CAAP1: variants seen among roughly 807,000 people sequenced by gnomAD.
The protein encoded by CAAP1 is conserved anti-apoptotic protein.
A neutral mutation model predicts 34.0 loss-of-function variants in CAAP1; 20 were observed. The ratio of observed to expected loss-of-function variants is 0.59; its 90% CI spans 0.41 to 0.86. The LOEUF is 0.86. Ranked by LOEUF, CAAP1 falls within the 40% of genes least tolerant of loss-of-function variation. The pLI is 0.00. For missense variants in CAAP1, 538 were observed against 450.5 expected (o/e 1.19, Z -1.76); for synonymous variants, 213 against 166.7 (o/e 1.28, Z -2.14).
In CAAP1 at chr9:26,847,074, A is replaced by G. The variant is rs1314650631; in HGVS notation, c.740-4427T>C. 2.0e-5 allele frequency among the ~76,000 whole-genome samples: 3 copies of G among 149,016 alleles called. No individual in the cohort carries two copies. In the East Asian group the frequency reaches 5.9e-4, roughly 29 times the overall value. On this transcript the variant is annotated intron_variant, in intron 5 of 5. Transcript: ENST00000333916. ...TATTTTTAACAAAAACATAATTATC[A>G]CTCTTTGGCTTACTTTTTTGACTTA...
intron 4 of CAAP1, among the ~76,000 whole-genome samples, chr9:26,878,126 C>G (rs1374185394): frequency 6.6e-6 from 1 of 152,116 alleles, no homozygotes; most frequent in African/African-American, 2.4e-5. Context: ...GATTAACTTA[C>G]AGAATTTAGT....
At chr9:26,868,398 G>C (rs1244175552) in intron 4 of CAAP1, among the ~76,000 whole-genome samples, 1 of 152,102 alleles carries the variant, frequency 6.6e-6, no homozygotes, top group Admixed American at 6.5e-5. Flanking sequence ...ATGAAGGAAA[G>C]GGCCACAAGA....
intron 4 of CAAP1, chr9:26,880,459 G>A (rs117858304): frequency 0.037 from 7,685 of 206,498 alleles, 248 homozygotes; most frequent in South Asian, 0.085. Flanking sequence ...CCAGGAGAGG[G>A]TGCACTCTTG....
At chr9:26,873,904 T>C (rs962811200) in intron 4 of CAAP1, among the ~76,000 whole-genome samples, 2 of 152,108 alleles carry the variant, frequency 1.3e-5, no homozygotes, top group Non-Finnish European at 2.9e-5. Flanking sequence ...TTTCACTCTT[T>C]AAAAAATTTT....
At chr9:26,882,872 T>C (rs944100689) in intron 4 of CAAP1, among the ~76,000 whole-genome samples, 1 of 152,110 alleles carries the variant, frequency 6.6e-6, no homozygotes, top group Non-Finnish European at 1.5e-5. Context: ...TCAAAAGAGA[T>C]CATTTTGGAG....
intron 1 of CAAP1, among the ~76,000 whole-genome samples, chr9:26,889,279 G>A (rs1178979500): frequency 1.3e-5 from 2 of 152,150 alleles, no homozygotes; most frequent in Non-Finnish European, 2.9e-5. Context: ...TTAGCTGGGT[G>A]TGGAGGCGGG....
intron 4 of CAAP1, among the ~76,000 whole-genome samples, chr9:26,881,759 T>C (rs141938677): frequency 7.2e-4 from 109 of 152,326 alleles, no homozygotes; most frequent in African/African-American, 2.4e-3. Flanking sequence ...TGGAACTGGA[T>C]AACAGGCAGA....
At chr9:26,862,774 T>C (rs1252172746) in intron 4 of CAAP1, among the ~76,000 whole-genome samples, 1 of 152,190 alleles carries the variant, frequency 6.6e-6, no homozygotes, top group Non-Finnish European at 1.5e-5. Flanking sequence ...GATGGGGAAC[T>C]GGATAAAAGT....
chr9:26,863,336 G>A (rs1466948189), intron 4 of CAAP1, among the ~76,000 whole-genome samples: 2 of 151,780 alleles, frequency 1.3e-5, no homozygotes, highest in Non-Finnish European at 2.9e-5. Flanking sequence ...GAAGTAAATG[G>A]GGAAAAAAAA....
In CAAP1 at chr9:26,889,855, G is replaced by A. The variant is rs867346760; in HGVS notation, c.304-2342C>T. Among the ~76,000 whole-genome samples, 18 of 127,450 alleles carry A rather than the reference G, an allele frequency of 1.4e-4. 1 individual carries two copies. The highest frequency in any genetic ancestry group is 1.1e-3 in the South Asian group (4 of 3,782). 83.6% of individuals were successfully genotyped at this position (127,450 alleles called of 152,430 possible). Reference sequence around the variant, plus strand: ...TGCACTCCAGCCTGGGCGACAGAGCGAGACTCTGTCTCAAAAAAAAAAAAA... The same window carrying A: ...TGCACTCCAGCCTGGGCGACAGAGCAAGACTCTGTCTCAAAAAAAAAAAAA... On this transcript the variant is annotated intron_variant, in intron 1 of 5. Coordinates refer to ENST00000333916, the MANE Select transcript of CAAP1 (RefSeq NM_024828.4).
chr9:26,891,548 AG>A (rs1823903699), intron 1 of CAAP1, among the ~76,000 whole-genome samples: 1 of 150,586 alleles, frequency 6.6e-6, no homozygotes, highest in Non-Finnish European at 1.5e-5. Flanking sequence ...ATATACATAA[AG>A]GTGTTTGTAT....
intron 5 of CAAP1, among the ~76,000 whole-genome samples, chr9:26,858,434 C>G (rs1822922632): frequency 6.6e-6 from 1 of 152,264 alleles, no homozygotes; most frequent in African/African-American, 2.4e-5. Flanking sequence ...AATAAATATT[C>G]TAAGTAACTT....
intron 5 of CAAP1, among the ~76,000 whole-genome samples, chr9:26,845,375 C>G (rs943491265): frequency 6.6e-6 from 1 of 152,160 alleles, no homozygotes; most frequent in Non-Finnish European, 1.5e-5. Context: ...ATTTCCTTAA[C>G]ATGATCTCCC....
Position 26,888,099 on chromosome 9 carries a change from A to G in CAAP1, c.304-586T>C, listed in dbSNP as rs150269184. 3.1e-3 allele frequency among the ~76,000 whole-genome samples: 474 copies of G among 152,142 alleles called. 2 individuals are homozygous for G. The highest frequency in any genetic ancestry group is 5.0e-3 in the Non-Finnish European group (339 of 67,990). Reference sequence around the variant, plus strand: ...CATAATTCTGTTCCAAACTACCACAATTTTTTGCCTGGGTTACACCAATAG... The same window carrying G: ...CATAATTCTGTTCCAAACTACCACAGTTTTTTGCCTGGGTTACACCAATAG... On this transcript the variant is annotated intron_variant, in intron 1 of 5. Transcript: ENST00000333916.
intron 4 of CAAP1, among the ~76,000 whole-genome samples, chr9:26,861,860 GAA>G (rs1003955483): frequency 1.3e-5 from 2 of 152,042 alleles, no homozygotes; most frequent in Non-Finnish European, 2.9e-5. Context: ...AAATATTTAG[GAA>G]ATCTTCCTAC....
intron 5 of CAAP1, among the ~76,000 whole-genome samples, chr9:26,858,542 G>C (rs1822928124): frequency 6.6e-6 from 1 of 152,112 alleles, no homozygotes; most frequent in South Asian, 2.1e-4. Flanking sequence ...GTTAAAACTG[G>C]CTGGGTGCGG....
At chr9:26,890,533 T>C (rs1031659093) in intron 1 of CAAP1, among the ~76,000 whole-genome samples, 1 of 152,100 alleles carries the variant, frequency 6.6e-6, no homozygotes, top group African/African-American at 2.4e-5. Flanking sequence ...CAGATACTTC[T>C]GACAAATATT....
intron 4 of CAAP1, among the ~76,000 whole-genome samples, chr9:26,864,544 AC>A (rs565126512): frequency 6.2e-4 from 94 of 152,126 alleles, no homozygotes; most frequent in Admixed American, 1.5e-3. Flanking sequence ...CAGTTACCAC[AC>A]CCCGGTGCTT....
rs760651608 is a variant in CAAP1, at chr9:26,887,363, A to G, written c.454T>C (p.Cys152Arg). 2 of 1,610,812 alleles carry G rather than the reference A, an allele frequency of 1.2e-6. No homozygotes were observed. The highest frequency in any genetic ancestry group is 2.2e-5 in the East Asian group (1 of 44,866). The change falls in exon 2 of 6, where the codon TGT becomes CGT. Residue 152 changes from cysteine (C) to arginine (R), a missense_variant. Physicochemically the swap from Cys to Arg is radical, Grantham distance 180. This residue lies in a region of CAAP1 where 514 missense variants were observed against 408.4 expected (regional missense o/e 1.26). Transcript: ENST00000333916. ...TGTAACTTTTTCTCTCCTATAATACAGAAGCACTGCTGAAGCATTTCTTTT... is the reference window on the plus strand; with the variant it reads ...TGTAACTTTTTCTCTCCTATAATACGGAAGCACTGCTGAAGCATTTCTTTT... ...DKKEMLQQCF[C>R]IIGEKKLQKM...
Sources: gnomAD v4.1 joint callset for allele counts (sites outside exome capture counted in the v4.1 genomes callset) on GRCh38, gnomAD v4.1.1 for gene constraint, gnomAD v4.1.1 regional missense constraint, MANE v1.5 for transcripts, NCBI Gene and HGNC (gene_info 2026-07-23, HGNC 2026-07-21) for gene names.